The following TENM2 variants were observed in gnomAD, a reference collection of about 807,000 sequenced individuals.
The protein encoded by TENM2 is teneurin transmembrane protein 2, also known as teneurin-2.
Under a neutral mutation model 245.2 loss-of-function variants are expected in TENM2, and 52 were observed. The observed-to-expected ratio is 0.21, with a 90% CI of 0.17 to 0.27. The LOEUF (loss-of-function observed/expected upper bound fraction) is 0.27. Among genes scored for constraint, TENM2 ranks in the 10% least tolerant of loss-of-function variants. TENM2 has a pLI of 1.00. For missense variants in TENM2, 3,046 were observed against 3,666.8 expected (o/e 0.83, Z 4.37); for synonymous variants, 1,363 against 1,438.9 (o/e 0.95, Z 1.19).
chr5:167,698,163 T>C (rs1456168680), intron 2 of TENM2, among the ~76,000 whole-genome samples: 2 of 152,210 alleles, frequency 1.3e-5, no homozygotes, highest in Admixed American at 6.5e-5. Flanking sequence ...GTGCAGTAAC[T>C]TGAGCTCTTT....
At chr5:167,426,062 A>T (rs1271080417) in intron 2 of TENM2, among the ~76,000 whole-genome samples, 1 of 152,148 alleles carries the variant, frequency 6.6e-6, no homozygotes, top group African/African-American at 2.4e-5. Flanking sequence ...CTGGGAATGA[A>T]ATCGACTTCA....
Position 167,959,703 on chromosome 5 carries a change from A to G in TENM2, c.947+6881A>G, listed in dbSNP as rs371166909. Among the ~76,000 whole-genome samples, 7 of 152,214 alleles carry G rather than the reference A, an allele frequency of 4.6e-5. No homozygotes were observed. In the East Asian group the frequency reaches 1.2e-3, roughly 25 times the overall value. ...CCACCTTCTGAAACCTACTTTTGTC[A>G]ATTCATCAAACTCATTCTTCATTGA... On this transcript the variant is annotated intron_variant, in intron 4 of 28. Transcript: ENST00000518659.
At chr5:167,286,219 T>C (rs1301842074) in intron 1 of TENM2, among the ~76,000 whole-genome samples, 1 of 152,180 alleles carries the variant, frequency 6.6e-6, no homozygotes, top group Admixed American at 6.5e-5. Context: ...AGAGAAACTG[T>C]TAGAATTGTG....
chr5:168,169,472 A>G (rs1187513234), intron 13 of TENM2, among the ~76,000 whole-genome samples: 1 of 152,176 alleles, frequency 6.6e-6, no homozygotes, highest in Non-Finnish European at 1.5e-5. Context: ...AAATGAGGAG[A>G]AATAACACTG....
intron 26 of TENM2, 50 bp from the exon 29 acceptor site, chr5:168,246,707 T>C (rs1562330790): frequency 6.4e-7 from 1 of 1,551,034 alleles, no homozygotes. Flanking sequence ...TTTGAATGCT[T>C]GGTCCTCAAA....
chr5:167,005,029 T>C, the TENM2 span, among the ~76,000 whole-genome samples: 185 of 152,262 alleles, frequency 1.2e-3, no homozygotes, highest in Non-Finnish European at 2.1e-3. Flanking sequence ...GCAATGCAAG[T>C]CATTAAGAAA....
chr5:167,177,389 C>A, the TENM2 span, among the ~76,000 whole-genome samples: 1 of 152,140 alleles, frequency 6.6e-6, no homozygotes, highest in Non-Finnish European at 1.5e-5. Flanking sequence ...TTGTTTGAGT[C>A]CCAAAATGTC....
chr5:167,304,577 C>T (rs1184801249), intron 1 of TENM2, among the ~76,000 whole-genome samples: 1 of 152,146 alleles, frequency 6.6e-6, no homozygotes, highest in Non-Finnish European at 1.5e-5. Flanking sequence ...TGATTTGGTA[C>T]TTAGGGAATA....
the TENM2 span, among the ~76,000 whole-genome samples, chr5:167,248,031 A>G: frequency 6.6e-6 from 1 of 152,176 alleles, no homozygotes; most frequent in Non-Finnish European, 1.5e-5. Context: ...CAGTATGTCT[A>G]AAAGAAAACA....
At chr5:167,464,974 T>C (rs910889066) in intron 2 of TENM2, among the ~76,000 whole-genome samples, 1 of 152,222 alleles carries the variant, frequency 6.6e-6, no homozygotes, top group South Asian at 2.1e-4. Flanking sequence ...ACTTTTCCAA[T>C]AAAGTGTCTC....
chr5:167,492,150 T>G (rs957158919), intron 2 of TENM2, among the ~76,000 whole-genome samples: 14 of 152,188 alleles, frequency 9.2e-5, no homozygotes, highest in Admixed American at 7.9e-4. Context: ...TAGAAATAGT[T>G]GGAATTTAAA....
At chr5:167,609,894 A>G (rs1311310161) in intron 2 of TENM2, among the ~76,000 whole-genome samples, 2 of 152,086 alleles carry the variant, frequency 1.3e-5, no homozygotes, top group East Asian at 3.9e-4. Context: ...TCTATAATTC[A>G]ATTCCAATGC....
chr5:167,322,588 A>G (rs1186204698), intron 1 of TENM2, among the ~76,000 whole-genome samples: 1 of 151,936 alleles, frequency 6.6e-6, no homozygotes, highest in Non-Finnish European at 1.5e-5. Context: ...ACTCTTAATT[A>G]CCTTTTCCCT....
At chr5:166,984,708 G>C in the TENM2 span, among the ~76,000 whole-genome samples, 2 of 151,946 alleles carry the variant, frequency 1.3e-5, no homozygotes, top group African/African-American at 4.8e-5. Flanking sequence ...AGCTATATTC[G>C]TGCATATGGC....
At chr5:168,064,176 G>A (rs1790295585) in intron 7 of TENM2, among the ~76,000 whole-genome samples, 1 of 152,132 alleles carries the variant, frequency 6.6e-6, no homozygotes, top group East Asian at 1.9e-4. Flanking sequence ...GCTGCAAGGT[G>A]CTGTTCTAAG....
chr5:168,118,719 T>C (rs773084423), intron 10 of TENM2, among the ~76,000 whole-genome samples: 1 of 152,354 alleles, frequency 6.6e-6, no homozygotes, highest in South Asian at 2.1e-4. Flanking sequence ...TTTGTAGAAA[T>C]TGATTCCTTT....
At chr5:167,511,297 G>A (rs989210157) in intron 2 of TENM2, among the ~76,000 whole-genome samples, 1 of 152,076 alleles carries the variant, frequency 6.6e-6, no homozygotes, top group African/African-American at 2.4e-5. Context: ...GGCTCATAGG[G>A]TAAGAAAAAA....
At chr5:168,214,511 G>A (rs1043681531) in intron 20 of TENM2, among the ~76,000 whole-genome samples, 2 of 152,216 alleles carry the variant, frequency 1.3e-5, no homozygotes, top group African/African-American at 2.4e-5. Context: ...AAAGAAGCAA[G>A]CTCTGAGCCT....
At chr5:167,861,366 T>C (rs1208690517) in intron 2 of TENM2, among the ~76,000 whole-genome samples, 2 of 152,136 alleles carry the variant, frequency 1.3e-5, no homozygotes, top group East Asian at 3.9e-4. Context: ...TCTGTCAGCC[T>C]TGCGGGTGGT....
Sources: allele counts gnomAD v4.1 joint callset (sites outside exome capture counted in the v4.1 genomes callset), GRCh38; gene constraint gnomAD v4.1.1; transcripts MANE v1.5; gene names NCBI Gene and HGNC (gene_info 2026-07-23, HGNC 2026-07-21).